Variants in PAX2 observed in about 807,000 individuals in gnomAD.
The protein encoded by PAX2 is paired box 2, also known as paired box protein Pax-2.
PAX2 carries 9 observed loss-of-function variants against 41.7 expected under a neutral mutation model. The ratio of observed to expected loss-of-function variants is 0.22; its 90% CI spans 0.13 to 0.38. The LOEUF (loss-of-function observed/expected upper bound fraction) is 0.38. PAX2 is among the 10% of genes least tolerant of loss of function. PAX2 has a pLI of 1.00. For missense variants in PAX2, 418 were observed against 531.6 expected (o/e 0.79, Z 2.10); for synonymous variants, 221 against 212.7 (o/e 1.04, Z -0.34).
chr10:100,774,532 T>G (rs1846317252), intron 3 of PAX2, among the ~76,000 whole-genome samples: 1 of 152,102 alleles, frequency 6.6e-6, no homozygotes, highest in African/African-American at 2.4e-5. Flanking sequence ...CAGTGGCACC[T>G]GCATTGACCA....
intron 7 of PAX2, among the ~76,000 whole-genome samples, chr10:100,816,627 A>AC (rs1301577197): frequency 1.3e-5 from 2 of 152,030 alleles, no homozygotes; most frequent in Admixed American, 6.6e-5. Context: ...TGACAGGAAG[A>AC]CCCCCCACTT....
rs540376468 is a variant in PAX2, at chr10:100,748,491, C to G, written c.44-1255C>G. On this transcript the variant is annotated intron_variant, in intron 1 of 9. Coordinates refer to ENST00000355243, the MANE Select transcript of PAX2 (RefSeq NM_000278.5). The surrounding 1 kb of genome is among the most constrained non-coding windows in gnomAD (Gnocchi z 5.0). ...ATGTCCCCGCTTTCTCCGAAACTCG[C>G]GTGAGGCTAGCGGGGCAGGGGCTGC... 5 of 985,148 alleles carry G rather than the reference C, an allele frequency of 5.1e-6. No individual in the cohort carries two copies. The highest frequency in any genetic ancestry group is 3.5e-5 in the African/African-American group (2 of 57,262). 61.0% of individuals were successfully genotyped at this position (985,148 alleles called of 1,614,324 possible). A position where few individuals can be genotyped will look rare whatever the true frequency, so the allele number is the denominator to read the frequency against.
chr10:100,807,115 G>A (rs1253076415), intron 6 of PAX2, among the ~76,000 whole-genome samples: 1 of 152,106 alleles, frequency 6.6e-6, no homozygotes, highest in Non-Finnish European at 1.5e-5. Flanking sequence ...GGAACCCTAG[G>A]TAGGCTGGCA....
intron 7 of PAX2, among the ~76,000 whole-genome samples, chr10:100,811,530 T>G (rs1489426303): frequency 1.3e-5 from 2 of 151,916 alleles, no homozygotes; most frequent in South Asian, 2.1e-4. Context: ...AACAGGAGAG[T>G]GGACTTTGGG....
chr10:100,745,524 G>A (rs1845120380), upstream of PAX2, among the ~76,000 whole-genome samples: 1 of 152,102 alleles, frequency 6.6e-6, no homozygotes, highest in East Asian at 2.0e-4. Flanking sequence ...GGAGGGGGAG[G>A]AGGTCTGGAG....
chr10:100,803,374 C>T (rs1847638066), intron 5 of PAX2, among the ~76,000 whole-genome samples: 1 of 152,030 alleles, frequency 6.6e-6, no homozygotes, highest in South Asian at 2.1e-4. Flanking sequence ...TCCCAACCTC[C>T]TTTCCTCATT....
chr10:100,797,981 T>A (rs535824928), intron 5 of PAX2, among the ~76,000 whole-genome samples: 1 of 152,216 alleles, frequency 6.6e-6, no homozygotes, highest in African/African-American at 2.4e-5. Context: ...CACTGAGTGT[T>A]TAGAAGCTAG....
chr10:100,806,919 C>G (rs1441784493), intron 6 of PAX2, among the ~76,000 whole-genome samples: 3 of 152,134 alleles, frequency 2.0e-5, no homozygotes, highest in African/African-American at 7.2e-5. Flanking sequence ...TTTGTCAAGT[C>G]CCTTCTAGCT....
chr10:100,801,892 C>G (rs901797813), intron 5 of PAX2, among the ~76,000 whole-genome samples: 1 of 152,264 alleles, frequency 6.6e-6, no homozygotes, highest in African/African-American at 2.4e-5. Context: ...TGGCCTTTGA[C>G]AAGCTACTTA....
chr10:100,773,768 C>T (rs953880447), intron 3 of PAX2, among the ~76,000 whole-genome samples: 2 of 152,162 alleles, frequency 1.3e-5, no homozygotes, highest in African/African-American at 2.4e-5. Flanking sequence ...ATGATTCCAG[C>T]AGACACTTAA....
intron 7 of PAX2, among the ~76,000 whole-genome samples, chr10:100,823,753 G>A (rs958670245): frequency 2.6e-5 from 4 of 152,114 alleles, no homozygotes; most frequent in Non-Finnish European, 5.9e-5. Flanking sequence ...GCAAAGGGAG[G>A]TGGTGGCCCC....
intron 3 of PAX2, among the ~76,000 whole-genome samples, chr10:100,776,247 T>G (rs1846383898): frequency 6.6e-6 from 1 of 152,190 alleles, no homozygotes; most frequent in Non-Finnish European, 1.5e-5. Context: ...CCTGCCTCCT[T>G]TTACTCCCTA....
intron 7 of PAX2, among the ~76,000 whole-genome samples, chr10:100,814,133 G>T (rs1261197983): frequency 1.3e-5 from 2 of 151,928 alleles, no homozygotes; most frequent in African/African-American, 4.8e-5. Flanking sequence ...CGGATCACGA[G>T]GTCAGGAGAT....
At chr10:100,766,923 C>G (rs1846049850) in intron 3 of PAX2, among the ~76,000 whole-genome samples, 1 of 152,124 alleles carries the variant, frequency 6.6e-6, no homozygotes, top group Admixed American at 6.5e-5. Flanking sequence ...CTGATATGAT[C>G]AATGAACACA....
chr10:100,781,808 C>T (rs1411350636), intron 5 of PAX2, among the ~76,000 whole-genome samples: 3 of 152,174 alleles, frequency 2.0e-5, no homozygotes, highest in South Asian at 2.1e-4. Context: ...CACCTGCACA[C>T]CGCCCCCAGT....
At chr10:100,810,918 A>G (rs1262072624) in intron 7 of PAX2, among the ~76,000 whole-genome samples, 2 of 150,928 alleles carry the variant, frequency 1.3e-5, no homozygotes, top group South Asian at 4.2e-4. Flanking sequence ...CGGCTGATCC[A>G]TCTGGATCCA....
chr10:100,767,003 A>G (rs976601798), intron 3 of PAX2, among the ~76,000 whole-genome samples: 3 of 152,256 alleles, frequency 2.0e-5, no homozygotes, highest in South Asian at 4.1e-4. Flanking sequence ...AGTGTTACAC[A>G]AAGTGCAGCC....
chr10:100,809,318 G>A (rs1847912673), intron 7 of PAX2, 82 bp downstream of exon 7: 4 of 1,319,786 alleles, frequency 3.0e-6, no homozygotes, highest in South Asian at 2.4e-5. Flanking sequence ...CCAGTGTGAG[G>A]AGCAGGTCCC....
intron 3 of PAX2, among the ~76,000 whole-genome samples, chr10:100,762,752 G>A (rs552669081): frequency 1.4e-4 from 21 of 152,338 alleles, no homozygotes; most frequent in Non-Finnish European, 2.8e-4. Context: ...GTACATGTAC[G>A]AAGTCACAAA....
Sources: allele counts gnomAD v4.1 joint callset (sites outside exome capture counted in the v4.1 genomes callset), GRCh38; gene constraint gnomAD v4.1.1; non-coding constraint Gnocchi (gnomAD v3.1); transcripts MANE v1.5; gene names NCBI Gene and HGNC (gene_info 2026-07-23, HGNC 2026-07-21).